GALM: variants seen among roughly 807,000 people sequenced by gnomAD.
The protein encoded by GALM is galactose mutarotase.
A neutral mutation model predicts 37.4 loss-of-function variants in GALM; 43 were observed. That is an observed-to-expected ratio of 1.15 (90% CI 0.90 to 1.48). The LOEUF is 1.48. Ranked by LOEUF, GALM falls within the 40% of genes most tolerant of loss-of-function variation. GALM has a pLI of 0.00. For missense variants in GALM, 456 were observed against 419.1 expected, an observed-to-expected ratio of 1.09 and a Z score of -0.77; for synonymous variants, 199 against 170.6, an observed-to-expected ratio of 1.17 and a Z score of -1.30.
chr2:38,697,939 T>C (rs929293443), intron 4 of GALM, among the ~76,000 whole-genome samples: 3 of 151,724 alleles, frequency 2.0e-5, no homozygotes, highest in African/African-American at 7.3e-5. Flanking sequence ...TTGGCAATTT[T>C]GGGTTTTGGG....
chr2:38,689,923 G>A, intron 4 of GALM, 29 bp downstream of exon 4: 2 of 1,357,376 alleles, frequency 1.5e-6, no homozygotes, highest in Non-Finnish European at 2.1e-6. Flanking sequence ...TTTGTGTTAT[G>A]TGGGATCATG....
intron 3 of GALM, among the ~76,000 whole-genome samples, chr2:38,688,460 G>A (rs988508626): frequency 4.0e-5 from 6 of 151,888 alleles, no homozygotes; most frequent in South Asian, 2.1e-4. Flanking sequence ...GCAGTGAGCC[G>A]AGATCGCGCC....
intron 2 of GALM, among the ~76,000 whole-genome samples, chr2:38,678,359 A>G (rs956715325): frequency 6.6e-6 from 1 of 152,108 alleles, no homozygotes; most frequent in African/African-American, 2.4e-5. Context: ...TTGAAATGGT[A>G]TAAGAAGATC....
At chr2:38,679,311 T>G (rs1321654120) in intron 2 of GALM, among the ~76,000 whole-genome samples, 1 of 152,090 alleles carries the variant, frequency 6.6e-6, no homozygotes, top group East Asian at 1.9e-4. Context: ...AAACAAGATT[T>G]TTTTTTCCTT....
intron 2 of GALM, 118 bp downstream of exon 2, chr2:38,676,184 C>G: frequency 1.0e-6 from 1 of 999,724 alleles, no homozygotes; most frequent in South Asian, 1.5e-5. Flanking sequence ...GAAAGAGGCC[C>G]CTTCCATGGT....
chr2:38,722,550 G>A (rs2148455521), intron 4 of GALM, among the ~76,000 whole-genome samples: 1 of 152,258 alleles, frequency 6.6e-6, no homozygotes, highest in East Asian at 1.9e-4. Context: ...TTCAGAAACT[G>A]CTTCTCCCTG....
chr2:38,666,310 G>C lies in GALM; in HGVS notation c.149G>C (p.Gly50Ala). 6.2e-7 allele frequency: 1 copy of C among 1,613,714 alleles called. No individual in the cohort carries two copies. The highest frequency in any genetic ancestry group is 1.7e-5 in the Admixed American group (1 of 59,964). Residue 50 changes from glycine (G) to alanine (A), a missense_variant, in exon 1 of 7, where the codon GGG becomes GCG. By Grantham distance (60) the Gly-to-Ala change is moderately conservative (BLOSUM62 0). Coordinates refer to ENST00000272252, the MANE Select transcript of GALM (RefSeq NM_138801.3). ...ITALEVKDRQ[G>A]RASDVVLGFA... is the part of the protein sequence containing the mutation. ...GCCCTAGAGGTCAAAGACAGGCAGGGGAGAGCCTCGGACGTGGTGCTTGGC... is the reference window on the plus strand; with the variant it reads ...GCCCTAGAGGTCAAAGACAGGCAGGCGAGAGCCTCGGACGTGGTGCTTGGC...
At chr2:38,677,118 G>A (rs529103408) in intron 2 of GALM, among the ~76,000 whole-genome samples, 18 of 152,352 alleles carry the variant, frequency 1.2e-4, no homozygotes, top group African/African-American at 3.8e-4. Flanking sequence ...GGGTGGGAGT[G>A]CTTGGCCTCC....
At chr2:38,718,437 G>A (rs1490734396) in intron 4 of GALM, among the ~76,000 whole-genome samples, 4 of 151,614 alleles carry the variant, frequency 2.6e-5, no homozygotes, top group Admixed American at 2.6e-4. Flanking sequence ...GACCTCAGGT[G>A]ATCTGCCCAC....
intron 4 of GALM, among the ~76,000 whole-genome samples, chr2:38,723,358 G>A (rs1008388831): frequency 2.0e-5 from 3 of 152,124 alleles, no homozygotes; most frequent in Non-Finnish European, 4.4e-5. Context: ...CCTAGTAATC[G>A]CTAAAATGAC....
At position 38,733,651 on chromosome 2, in the gene GALM, C is replaced by A; in HGVS notation, c.*86C>A. On this transcript the variant is annotated 3_prime_UTR_variant, in exon 7 of 7. Transcript: ENST00000272252. Reference sequence around the variant, plus strand: ...AAAAAGGTGAAGATTAAGAAGCTTTCAGAATGATTCTATGGATTAAAATCA... The same window carrying A: ...AAAAAGGTGAAGATTAAGAAGCTTTAAGAATGATTCTATGGATTAAAATCA... The A allele has an allele frequency of 1.0e-6, 1 of 957,370 alleles. No individual in the cohort carries two copies. The highest frequency in any genetic ancestry group is 1.3e-5 in the South Asian group (1 of 76,678). 59.3% of individuals were successfully genotyped at this position (957,370 alleles called of 1,614,324 possible). A position where few individuals can be genotyped will look rare whatever the true frequency, so the allele number is the denominator to read the frequency against.
intron 3 of GALM, among the ~76,000 whole-genome samples, chr2:38,687,100 G>C (rs17422091): frequency 0.23 from 35,708 of 152,074 alleles, 4,963 homozygotes; most frequent in Non-Finnish European, 0.3. Context: ...GAACAAATAG[G>C]GCCAAGGAAA....
At chr2:38,683,003 C>T (rs1665434826) in intron 3 of GALM, among the ~76,000 whole-genome samples, 1 of 151,604 alleles carries the variant, frequency 6.6e-6, no homozygotes, top group Non-Finnish European at 1.5e-5. Flanking sequence ...AAACAAACGA[C>T]AGAAATAGAA....
chr2:38,696,751 C>T (rs1182919443), intron 4 of GALM, among the ~76,000 whole-genome samples: 2 of 140,486 alleles, frequency 1.4e-5, no homozygotes, highest in Non-Finnish European at 3.1e-5. Context: ...GGATTACAGG[C>T]GTGAGCCACC....
chr2:38,726,631 C>T (rs1666491920), intron 4 of GALM, among the ~76,000 whole-genome samples: 1 of 152,026 alleles, frequency 6.6e-6, no homozygotes, highest in Non-Finnish European at 1.5e-5. Context: ...TAGTCTCGGC[C>T]GGGCTCAGTG....
At chr2:38,690,564 C>G (rs532325191) in intron 4 of GALM, among the ~76,000 whole-genome samples, 1 of 152,016 alleles carries the variant, frequency 6.6e-6, no homozygotes, top group South Asian at 2.1e-4. Context: ...TCTCCACTTC[C>G]TGAGTAGCTG....
At chr2:38,703,181 C>G (rs1257835256) in intron 4 of GALM, among the ~76,000 whole-genome samples, 1 of 133,258 alleles carries the variant, frequency 7.5e-6, no homozygotes, top group African/African-American at 2.9e-5. Flanking sequence ...GATCTCAGCT[C>G]ACCGCAACCT....
intron 6 of GALM, among the ~76,000 whole-genome samples, chr2:38,732,828 G>C (rs1329814988): frequency 6.6e-6 from 1 of 151,714 alleles, no homozygotes; most frequent in Non-Finnish European, 1.5e-5. Context: ...GCTGAGGTGG[G>C]AGGATCCCTG....
intron 3 of GALM, among the ~76,000 whole-genome samples, chr2:38,686,257 T>TTTC (rs1665523413): frequency 7.2e-5 from 9 of 124,694 alleles, no homozygotes; most frequent in African/African-American, 3.5e-4. Context: ...TCTTTCTTTC[T>TTTC]TTCTTTCTTT....
Sources: gnomAD v4.1 joint callset for allele counts (sites outside exome capture counted in the v4.1 genomes callset) on GRCh38, gnomAD v4.1.1 for gene constraint, MANE v1.5 for transcripts, NCBI Gene and HGNC (gene_info 2026-07-23, HGNC 2026-07-21) for gene names.